The following CACNA2D3 variants were observed in gnomAD, a reference collection of about 807,000 sequenced individuals.
The protein encoded by CACNA2D3 is calcium voltage-gated channel auxiliary subunit alpha2delta 3.
CACNA2D3 carries 60 observed loss-of-function variants against 160.6 expected under a neutral mutation model. The ratio of observed to expected loss-of-function variants is 0.37; its 90% confidence interval spans 0.30 to 0.46. The LOEUF (loss-of-function observed/expected upper bound fraction) is 0.46, where lower values mean the gene tolerates loss of function less well. CACNA2D3 is among the 20% of genes least tolerant of loss of function. The pLI, the probability that CACNA2D3 is intolerant of heterozygous loss-of-function variation, is 1.00. For missense variants in CACNA2D3, 1,205 were observed against 1,365.0 expected, an observed-to-expected ratio of 0.88 and a Z score of 1.85; for synonymous variants, 558 against 492.9, an observed-to-expected ratio of 1.13 and a Z score of -1.75.
At chr3:54,960,349 C>T (rs1702001541) in intron 27 of CACNA2D3, among the ~76,000 whole-genome samples, 1 of 152,150 alleles carries the variant, frequency 6.6e-6, no homozygotes, top group African/African-American at 2.4e-5. Flanking sequence ...ACCAACCCCC[C>T]ATACCACAGG....
At chr3:54,447,817 TGA>T (rs1700246327) in intron 4 of CACNA2D3, among the ~76,000 whole-genome samples, 1 of 152,232 alleles carries the variant, frequency 6.6e-6, no homozygotes, top group Non-Finnish European at 1.5e-5. Context: ...CTCTTTTAGA[TGA>T]CATTTCTGGC....
chr3:54,415,220 T>A (rs1422462400), intron 4 of CACNA2D3, among the ~76,000 whole-genome samples: 1 of 152,190 alleles, frequency 6.6e-6, no homozygotes, highest in African/African-American at 2.4e-5. Flanking sequence ...AGGATCTTTC[T>A]CCAGAAAATT....
chr3:54,596,982 C>G (rs543612554), intron 9 of CACNA2D3, among the ~76,000 whole-genome samples: 1 of 152,218 alleles, frequency 6.6e-6, no homozygotes, highest in East Asian at 1.9e-4. Flanking sequence ...AGGCCAGCAT[C>G]TCATGGACAA....
chr3:54,546,846 T>G (rs1469878696), intron 5 of CACNA2D3, among the ~76,000 whole-genome samples: 1 of 152,200 alleles, frequency 6.6e-6, no homozygotes, highest in Non-Finnish European at 1.5e-5. Flanking sequence ...CTGTGTTAAT[T>G]AAAAGACTCC....
At chr3:54,536,790 C>G (rs1437876675) in intron 5 of CACNA2D3, among the ~76,000 whole-genome samples, 1 of 152,170 alleles carries the variant, frequency 6.6e-6, no homozygotes. Context: ...CTTTCTCTCA[C>G]TCTGATAGAA....
At chr3:54,345,815 C>T (rs1003386459) in intron 3 of CACNA2D3, among the ~76,000 whole-genome samples, 5 of 150,408 alleles carry the variant, frequency 3.3e-5, no homozygotes, top group African/African-American at 1.2e-4. Flanking sequence ...TGATTAGTTC[C>T]AAGTCTCTCT....
At chr3:54,480,245 CAAAT>C (rs1200255394) in intron 4 of CACNA2D3, among the ~76,000 whole-genome samples, 2 of 152,174 alleles carry the variant, frequency 1.3e-5, no homozygotes, top group African/African-American at 4.8e-5. Flanking sequence ...TGTTCCTCCT[CAAAT>C]AATTGCACTG....
intron 3 of CACNA2D3, among the ~76,000 whole-genome samples, chr3:54,350,751 A>C (rs893257313): frequency 2.0e-5 from 3 of 152,154 alleles, no homozygotes; most frequent in African/African-American, 7.2e-5. Flanking sequence ...CAACCTTGTA[A>C]AATACTGTGA....
chr3:54,633,042 C>T (rs1056516195), intron 10 of CACNA2D3, among the ~76,000 whole-genome samples: 2 of 152,088 alleles, frequency 1.3e-5, no homozygotes, highest in Middle Eastern at 3.2e-3. Context: ...CTGCCAGGGC[C>T]AGGACTAAGA....
chr3:54,919,343 A>G (rs769769451), intron 27 of CACNA2D3, among the ~76,000 whole-genome samples: 1 of 152,230 alleles, frequency 6.6e-6, no homozygotes, highest in Non-Finnish European at 1.5e-5. Flanking sequence ...TTGTGATGTT[A>G]TGTGTTTATT....
chr3:54,761,732 A>T (rs980059144), intron 12 of CACNA2D3, among the ~76,000 whole-genome samples: 1 of 152,214 alleles, frequency 6.6e-6, no homozygotes, highest in Non-Finnish European at 1.5e-5. Context: ...GCTCTGACCC[A>T]GGCCAGGAGG....
chr3:54,692,068 G>A (rs1700582136), intron 11 of CACNA2D3, among the ~76,000 whole-genome samples: 1 of 152,046 alleles, frequency 6.6e-6, no homozygotes, highest in Non-Finnish European at 1.5e-5. Flanking sequence ...TCGCCTCCTG[G>A]GTTCTAGCGA....
chr3:54,883,829 T>TCTCTCTCTCTCTCC lies in CACNA2D3; in HGVS notation c.1913-1449_1913-1448insTCTCTCTCTCCCTC, dbSNP rs753661413. ...TCTCTCTCTCTCTCTCTCTCCTCTC[T>TCTCTCTCTCTCTCC]CTCCCTTCAACCCTCCTTATCTCTT... On this transcript the variant is annotated intron_variant, in intron 21 of 37. Transcript: ENST00000474759. Among the ~76,000 whole-genome samples, 65 of 145,790 alleles carry TCTCTCTCTCTCTCC rather than the reference T, an allele frequency of 4.5e-4. 1 individual carries two copies. The highest frequency in any genetic ancestry group is 1.2e-3 in the African/African-American group (47 of 38,676).
intron 12 of CACNA2D3, among the ~76,000 whole-genome samples, chr3:54,755,304 G>T (rs916364836): frequency 1.1e-4 from 16 of 151,954 alleles, no homozygotes; most frequent in African/African-American, 2.9e-4. Flanking sequence ...ATGCTTCTGT[G>T]GGGGGGCTCA....
chr3:54,988,158 A>G (rs761215879), intron 31 of CACNA2D3, among the ~76,000 whole-genome samples: 1 of 152,218 alleles, frequency 6.6e-6, no homozygotes, highest in Non-Finnish European at 1.5e-5. Flanking sequence ...TGGGGATGAA[A>G]GGTGGTATTT....
chr3:54,141,836 C>T (rs145973519), intron 2 of CACNA2D3, among the ~76,000 whole-genome samples: 19 of 152,304 alleles, frequency 1.2e-4, no homozygotes, highest in African/African-American at 3.8e-4. Flanking sequence ...TTTATTCATT[C>T]GTTTATTCAA....
intron 2 of CACNA2D3, among the ~76,000 whole-genome samples, chr3:54,157,561 T>G (rs1700266030): frequency 6.6e-6 from 1 of 152,012 alleles, no homozygotes; most frequent in Non-Finnish European, 1.5e-5. Flanking sequence ...GAGGCCTAGG[T>G]GGGCAGATCC....
At chr3:54,984,573 G>C (rs1559455009) in intron 29 of CACNA2D3, 35 bp from the exon 30 acceptor site, 1 of 1,315,120 alleles carries the variant, frequency 7.6e-7, no homozygotes, top group African/African-American at 1.5e-5. Flanking sequence ...AGTTGAAGCT[G>C]TTTTTTTGTT....
At chr3:54,274,638 A>G (rs1400726096) in intron 2 of CACNA2D3, among the ~76,000 whole-genome samples, 1 of 152,260 alleles carries the variant, frequency 6.6e-6, no homozygotes, top group Non-Finnish European at 1.5e-5. Flanking sequence ...TCTCTGGGTC[A>G]GGAGTCTGTA....
Sources: allele counts gnomAD v4.1 joint callset (sites outside exome capture counted in the v4.1 genomes callset), GRCh38; gene constraint gnomAD v4.1.1; transcripts MANE v1.5; gene names NCBI Gene and HGNC (gene_info 2026-07-23, HGNC 2026-07-21).